Variants in DDAH1 observed in about 807,000 individuals in gnomAD.
The protein encoded by DDAH1 is N(G),N(G)-dimethylarginine dimethylaminohydrolase 1.
In DDAH1, 19 loss-of-function variants were observed where a neutral mutation model predicts 28.8. The observed-to-expected ratio is 0.66, with a 90% CI of 0.46 to 0.97. The LOEUF (loss-of-function observed/expected upper bound fraction) is 0.97. Among genes scored for constraint, DDAH1 ranks in the 50% least tolerant of loss-of-function variants. DDAH1 has a pLI of 0.00. For synonymous variants in DDAH1, 153 were observed against 154.4 expected (o/e 0.99, Z 0.07); for missense variants, 326 against 375.9 (o/e 0.87, Z 1.10).
intron 1 of DDAH1, among the ~76,000 whole-genome samples, chr1:85,456,580 G>A (rs1411427529): frequency 1.3e-5 from 2 of 152,192 alleles, no homozygotes; most frequent in Admixed American, 1.3e-4. Context: ...CTAACTATAG[G>A]CTAATGTAAA....
chr1:85,476,936 C>T (rs1478388889), intron 2 of DDAH1, among the ~76,000 whole-genome samples: 1 of 152,144 alleles, frequency 6.6e-6, no homozygotes, highest in East Asian at 1.9e-4. Flanking sequence ...CTAATACTGT[C>T]TAGCAGAGAG....
chr1:85,570,968 C>T (rs187306108), intron 1 of DDAH1, among the ~76,000 whole-genome samples: 69 of 152,212 alleles, frequency 4.5e-4, no homozygotes, highest in East Asian at 2.9e-3. Flanking sequence ...AGAAAGAGGA[C>T]GGAACTTGGA....
At chr1:85,555,658 C>A (rs1371088695) in intron 1 of DDAH1, among the ~76,000 whole-genome samples, 3 of 152,154 alleles carry the variant, frequency 2.0e-5, no homozygotes. Context: ...GGCTGATCGA[C>A]CCAACTTCTC....
At chr1:85,515,208 G>A (rs1657426604) in intron 1 of DDAH1, among the ~76,000 whole-genome samples, 1 of 150,764 alleles carries the variant, frequency 6.6e-6, no homozygotes, top group Non-Finnish European at 1.5e-5. Context: ...TGGCCAACAT[G>A]GTGAAACCTT....
intron 1 of DDAH1, among the ~76,000 whole-genome samples, chr1:85,409,997 T>C (rs966447132): frequency 1.3e-5 from 2 of 152,152 alleles, no homozygotes; most frequent in Non-Finnish European, 2.9e-5. Context: ...AAATTATAGA[T>C]TAGCTGAGCA....
chr1:85,556,621 G>A lies in DDAH1; in HGVS notation c.-123+21363C>T, dbSNP rs556398532. Among the ~76,000 whole-genome samples the A allele has an allele frequency of 3.3e-5, 5 of 151,964 alleles. No individual in the cohort carries two copies. The East Asian group carries it at 7.7e-4, about 23-fold the overall frequency. ...TGTGTGTGTGTGTGTTGTTTAAGGG[G>A]TAGAAAAAAAGGAGACATAATCATA... is the stretch of plus-strand genomic sequence containing the variant. On this transcript the variant is annotated intron_variant, in intron 1 of 6. Transcript: ENST00000426972.
At chr1:85,488,032 A>C (rs1656262837) in intron 2 of DDAH1, among the ~76,000 whole-genome samples, 1 of 152,062 alleles carries the variant, frequency 6.6e-6, no homozygotes, top group Admixed American at 6.6e-5. Context: ...AAAAATACAA[A>C]AAATTAGCCA....
At chr1:85,477,344 G>C (rs534927385) in intron 2 of DDAH1, among the ~76,000 whole-genome samples, 4 of 152,032 alleles carry the variant, frequency 2.6e-5, no homozygotes, top group Non-Finnish European at 4.4e-5. Flanking sequence ...AATGACAGGG[G>C]GCCTGTCAAT....
chr1:85,538,799 G>A (rs113529046), intron 1 of DDAH1, among the ~76,000 whole-genome samples: 7,292 of 152,278 alleles, frequency 0.048, 260 homozygotes, highest in Non-Finnish European at 0.068. Flanking sequence ...AGAGGTTTCT[G>A]TTCCTACCAA....
chr1:85,454,346 AAT>A (rs1281097706), intron 1 of DDAH1, among the ~76,000 whole-genome samples: 1 of 152,202 alleles, frequency 6.6e-6, no homozygotes, highest in African/African-American at 2.4e-5. Flanking sequence ...TAGTTTGCTG[AAT>A]GGACAGGGGT....
chr1:85,551,511 C>A (rs1658790752), intron 1 of DDAH1, among the ~76,000 whole-genome samples: 1 of 152,136 alleles, frequency 6.6e-6, no homozygotes, highest in African/African-American at 2.4e-5. Flanking sequence ...AAACACAGAC[C>A]AATATGAGTT....
chr1:85,497,532 T>C (rs1656642630), intron 1 of DDAH1, among the ~76,000 whole-genome samples: 1 of 152,190 alleles, frequency 6.6e-6, no homozygotes, highest in Admixed American at 6.5e-5. Flanking sequence ...CCATTATCAT[T>C]ACAGAAAATT....
intron 1 of DDAH1, among the ~76,000 whole-genome samples, chr1:85,408,654 C>T (rs1318898377): frequency 6.6e-6 from 1 of 152,168 alleles, no homozygotes; most frequent in Non-Finnish European, 1.5e-5. Flanking sequence ...AAAAATACAG[C>T]TGTTCTTCCA....
At chr1:85,423,694 T>C (rs1217833604) in intron 1 of DDAH1, among the ~76,000 whole-genome samples, 1 of 152,186 alleles carries the variant, frequency 6.6e-6, no homozygotes, top group African/African-American at 2.4e-5. Flanking sequence ...GTTTTCTTTT[T>C]TGTCAGTTCT....
intron 2 of DDAH1, among the ~76,000 whole-genome samples, chr1:85,351,901 T>TAACA (rs934120290): frequency 6.6e-6 from 1 of 152,180 alleles, no homozygotes; most frequent in African/African-American, 2.4e-5. Flanking sequence ...GATGGTTGCC[T>TAACA]AACACTGTGA....
In DDAH1 at chr1:85,350,549, G is replaced by C; in HGVS notation, c.478-15C>G. Reference sequence around the variant, plus strand: ...ACTGCATAGTCCTACGTGGACAATAGAAAAACAAGCAGTTTAGTATTGCAG... The same window carrying C: ...ACTGCATAGTCCTACGTGGACAATACAAAAACAAGCAGTTTAGTATTGCAG... On this transcript the variant is annotated splice_polypyrimidine_tract_variant and intron_variant, in intron 3 of 5. Coordinates refer to ENST00000284031, the MANE Select transcript of DDAH1 (RefSeq NM_012137.4). 6.2e-7 allele frequency: 1 copy of C among 1,608,730 alleles called. No individual in the cohort carries two copies. Among genetic ancestry groups the C allele is most frequent in the Non-Finnish European group, 8.5e-7 (1 of 1,178,574 alleles).
intron 2 of DDAH1, among the ~76,000 whole-genome samples, chr1:85,473,587 G>A (rs1655694056): frequency 1.3e-5 from 2 of 151,742 alleles, no homozygotes; most frequent in Admixed American, 1.3e-4. Flanking sequence ...AGAAATGCCA[G>A]TTTCGCAATG....
At position 85,464,827 on chromosome 1, in the gene DDAH1, G is replaced by C. The variant is rs774444220; in HGVS notation, c.219C>G (p.Asp73Glu). The C allele has an allele frequency of 2.5e-6, 4 of 1,589,006 alleles. No homozygotes were observed. Among genetic ancestry groups the C allele is most frequent in the South Asian group, 1.1e-5 (1 of 89,206 alleles). The change falls in exon 1 of 6, where the codon GAC (aspartate) becomes GAG (glutamate). Residue 73 changes from aspartate to glutamate, a missense_variant. Asp to Glu is a conservative substitution (Grantham distance 45, BLOSUM62 2). Transcript: ENST00000284031. This position sits in a 1 kb window ranked among gnomAD's most constrained non-coding sequence, Gnocchi z 4.4. ...VELPADESLPDCVFVEDVAVV... is the reference protein window; with the variant it reads ...VELPADESLPECVFVEDVAVV... The stretch of plus-strand genomic sequence containing the variant: ...CGGCCACGTCCTCCACGAAGACGCA[G>C]TCCGGAAGGCTCTCGTCGGCCGGCA...
chr1:85,390,827 G>C (rs1452627432), intron 1 of DDAH1, among the ~76,000 whole-genome samples: 1 of 152,102 alleles, frequency 6.6e-6, no homozygotes, highest in African/African-American at 2.4e-5. Context: ...TTCACGTACA[G>C]AATTATGGCT....
Sources: allele counts gnomAD v4.1 joint callset (sites outside exome capture counted in the v4.1 genomes callset), GRCh38; gene constraint gnomAD v4.1.1; non-coding constraint Gnocchi (gnomAD v3.1); transcripts MANE v1.5; gene names NCBI Gene and HGNC (gene_info 2026-07-23, HGNC 2026-07-21).